RIC8B: variants seen among roughly 807,000 people sequenced by gnomAD.
RIC8B encodes chaperone Ric-8B.
Under a neutral mutation model 57.5 loss-of-function variants are expected in RIC8B, and 16 were observed. That is an observed-to-expected ratio of 0.28 (90% confidence interval 0.19 to 0.42). The LOEUF (loss-of-function observed/expected upper bound fraction) is 0.42. RIC8B is among the 10% of genes least tolerant of loss of function. The pLI is 1.00. For missense variants in RIC8B, 481 were observed against 677.0 expected, an observed-to-expected ratio of 0.71 and a Z score of 3.21; for synonymous variants, 216 against 250.8, an observed-to-expected ratio of 0.86 and a Z score of 1.31.
chr12:106,829,678 A>G (rs1016545959), intron 4 of RIC8B, among the ~76,000 whole-genome samples: 2 of 152,112 alleles, frequency 1.3e-5, no homozygotes, highest in East Asian at 1.9e-4. Context: ...TAAGTGTACA[A>G]TTTGGTGGTT....
intron 2 of RIC8B, among the ~76,000 whole-genome samples, chr12:106,794,456 C>A (rs2044387968): frequency 6.6e-6 from 1 of 152,166 alleles, no homozygotes; most frequent in African/African-American, 2.4e-5. Context: ...CCAGGAAGTT[C>A]AGTGAACCCA....
intron 9 of RIC8B, among the ~76,000 whole-genome samples, chr12:106,883,961 G>A (rs1318324540): frequency 1.3e-5 from 2 of 152,080 alleles, no homozygotes; most frequent in Non-Finnish European, 1.5e-5. Flanking sequence ...CCGGCTTCAT[G>A]AGAGCACAGA....
At chr12:106,808,892 A>G (rs921272253) in intron 2 of RIC8B, among the ~76,000 whole-genome samples, 1 of 152,210 alleles carries the variant, frequency 6.6e-6, no homozygotes, top group African/African-American at 2.4e-5. Flanking sequence ...ATAAATCTTG[A>G]TAGATCGTTT....
chr12:106,823,771 G>A (rs916074283), intron 3 of RIC8B, among the ~76,000 whole-genome samples: 11 of 150,374 alleles, frequency 7.3e-5, no homozygotes, highest in South Asian at 2.1e-4. Flanking sequence ...TGCAACCTCC[G>A]CCTCCTGGGT....
At chr12:106,824,592 C>T (rs748277204) in intron 3 of RIC8B, among the ~76,000 whole-genome samples, 4 of 151,880 alleles carry the variant, frequency 2.6e-5, no homozygotes, top group East Asian at 1.9e-4. Context: ...GACTTGAAAT[C>T]GATGATATAT....
At chr12:106,837,947 C>G (rs554743353) in intron 4 of RIC8B, among the ~76,000 whole-genome samples, 1 of 151,776 alleles carries the variant, frequency 6.6e-6, no homozygotes, top group Non-Finnish European at 1.5e-5. Flanking sequence ...GGTCGGGGAT[C>G]GTTCTTTTCG....
chr12:106,803,910 A>G (rs1054480204), intron 2 of RIC8B, among the ~76,000 whole-genome samples: 2 of 152,224 alleles, frequency 1.3e-5, no homozygotes, highest in African/African-American at 2.4e-5. Context: ...ATTTCATTTA[A>G]TAAAACAACA....
chr12:106,839,419 G>A (rs1408597315), intron 4 of RIC8B, among the ~76,000 whole-genome samples: 1 of 152,200 alleles, frequency 6.6e-6, no homozygotes, highest in Non-Finnish European at 1.5e-5. Flanking sequence ...AGGGCATTAT[G>A]ATAAGTGAAA....
At chr12:106,873,275 G>A (rs1950525458) in intron 9 of RIC8B, 1 of 678,608 alleles carries the variant, frequency 1.5e-6, no homozygotes, top group Admixed American at 6.3e-5. Context: ...AGGCAACCTT[G>A]AGAATAGTTC....
At chr12:106,870,787 TA>T (rs1269508511) in intron 8 of RIC8B, 35 bp from the exon 9 acceptor site, 61 of 1,442,900 alleles carry the variant, frequency 4.2e-5, no homozygotes, top group Non-Finnish European at 5.0e-5. Context: ...AGCATAATTT[TA>T]AAACATACAG....
chr12:106,807,206 G>C (rs1163671381), intron 2 of RIC8B, among the ~76,000 whole-genome samples: 10 of 152,130 alleles, frequency 6.6e-5, no homozygotes. Flanking sequence ...ATTCTGTATG[G>C]TACATCAATG....
At chr12:106,815,778 CCAGTCTCTGGGAG>C (rs1487117440) in intron 3 of RIC8B, among the ~76,000 whole-genome samples, 1 of 152,090 alleles carries the variant, frequency 6.6e-6, no homozygotes, top group Non-Finnish European at 1.5e-5. Flanking sequence ...GCCTGTTGTC[CCAGTCTCTGGGAG>C]GTTTCTCTGT....
intron 2 of RIC8B, among the ~76,000 whole-genome samples, chr12:106,792,707 G>A (rs1407787432): frequency 2.0e-5 from 3 of 152,182 alleles, no homozygotes; most frequent in East Asian, 3.9e-4. Flanking sequence ...GGTGGCTTGA[G>A]GAGAGAGGAT....
At chr12:106,777,917 G>A (rs183442384) in intron 1 of RIC8B, among the ~76,000 whole-genome samples, 70 of 152,298 alleles carry the variant, frequency 4.6e-4, no homozygotes, top group African/African-American at 1.7e-3. Flanking sequence ...TAGCCAGCCT[G>A]GCTATGATCC....
Position 106,873,095 on chromosome 12 carries a change from C to T in RIC8B, c.1571+2153C>T, listed in dbSNP as rs532209131. On this transcript the variant is annotated intron_variant, in intron 9 of 9. Coordinates refer to ENST00000392837, the MANE Select transcript of RIC8B (RefSeq NM_001330145.2). ...ATACAAACGTCAAGTCTGAAATACC[C>T]CAGCTTCCACCTGATTTAAACTATG... 4 of 985,298 alleles carry T rather than the reference C, an allele frequency of 4.1e-6. No individual in the cohort carries two copies. The Admixed American group carries it at 1.8e-4, about 45-fold the overall frequency. 61.0% of individuals were successfully genotyped at this position (985,298 alleles called of 1,614,324 possible).
chr12:106,849,287 GTTTATTTA>G (rs60536359), intron 6 of RIC8B, among the ~76,000 whole-genome samples: 3,880 of 143,936 alleles, frequency 0.027, 60 homozygotes, highest in African/African-American at 0.053. Flanking sequence ...TTTTTAAATA[GTTTATTTA>G]TTTATTTATT....
chr12:106,777,311 G>A (rs2043539344), intron 1 of RIC8B, among the ~76,000 whole-genome samples: 1 of 152,154 alleles, frequency 6.6e-6, no homozygotes, highest in Non-Finnish European at 1.5e-5. Flanking sequence ...GGAAGTGAAT[G>A]TATGATCATA....
At chr12:106,808,869 C>CT (rs2045191097) in intron 2 of RIC8B, among the ~76,000 whole-genome samples, 1 of 152,116 alleles carries the variant, frequency 6.6e-6, no homozygotes, top group African/African-American at 2.4e-5. Flanking sequence ...GAAATCACCT[C>CT]TTAAGATAGT....
chr12:106,862,839 A>C lies in RIC8B; in HGVS notation c.1451+2427A>C, dbSNP rs74517109. Reference sequence around the variant, plus strand: ...GGCTATGGGAGACAGTTAATATCACAACAAAGCTTTTTGTGTCAAAATAAA... The same window carrying C: ...GGCTATGGGAGACAGTTAATATCACCACAAAGCTTTTTGTGTCAAAATAAA... On this transcript the variant is annotated intron_variant, in intron 8 of 9. Coordinates refer to ENST00000392837, the MANE Select transcript of RIC8B (RefSeq NM_001330145.2). Among the ~76,000 whole-genome samples the C allele has an allele frequency of 2.9e-3, 445 of 152,248 alleles. 4 individuals carry two copies. Among genetic ancestry groups the C allele is most frequent in the East Asian group, 0.026 (134 of 5,188 alleles).
Sources: gnomAD v4.1 joint callset for allele counts (sites outside exome capture counted in the v4.1 genomes callset) on GRCh38, gnomAD v4.1.1 for gene constraint, MANE v1.5 for transcripts, NCBI Gene and HGNC (gene_info 2026-07-23, HGNC 2026-07-21) for gene names.